The following ALDH8A1 variants were observed in gnomAD, a reference collection of about 807,000 sequenced individuals.
ALDH8A1 encodes the protein aldehyde dehydrogenase 8 family member A1.
In ALDH8A1, 39 loss-of-function variants were observed where a neutral mutation model predicts 43.3. The observed-to-expected ratio is 0.90, with a 90% confidence interval of 0.70 to 1.18. The LOEUF is 1.18. Ranked by LOEUF, ALDH8A1 falls within the 50% of genes most tolerant of loss-of-function variation. The pLI is 0.00. For synonymous variants in ALDH8A1, 233 were observed against 243.5 expected, an observed-to-expected ratio of 0.96 and a Z score of 0.40; for missense variants, 605 against 622.6, an observed-to-expected ratio of 0.97 and a Z score of 0.30.
intron 4 of ALDH8A1, 36 bp from the exon 5 acceptor site, chr6:134,933,068 A>AGTAT (rs1777014888): frequency 6.7e-7 from 1 of 1,500,312 alleles, no homozygotes; most frequent in Admixed American, 2.2e-5. Context: ...AGTAATTCTC[A>AGTAT]GTATGTTGAA....
chr6:134,944,183 T>C (rs1773912711), intron 1 of ALDH8A1: 7 of 515,860 alleles, frequency 1.4e-5, no homozygotes, highest in Middle Eastern at 5.3e-4. Flanking sequence ...TTCTCCCACC[T>C]CAGCCTCCTG....
intron 6 of ALDH8A1, among the ~76,000 whole-genome samples, chr6:134,920,246 C>T (rs919095932): frequency 6.6e-6 from 1 of 152,184 alleles, no homozygotes; most frequent in Admixed American, 6.5e-5. Context: ...TTTATATTCC[C>T]TTCCATTAAC....
Position 134,942,443 on chromosome 6 carries a change from G to T in ALDH8A1, c.408C>A (p.Cys136Ter). The change falls in exon 3 of 7, where the codon TGC becomes TGA. Residue 136 changes from cysteine to a stop codon, truncating the protein, a stop_gained. Coordinates refer to ENST00000265605, the MANE Select transcript of ALDH8A1 (RefSeq NM_022568.4). LOFTEE classifies it high-confidence loss of function. ...SECTQMDHLGCMHYTVRAPVG... is the reference protein window; with the variant it reads ...SECTQMDHLG ...CCGGGGCCCGCACCGTGTAGTGCAT[G>T]CAGCCCAGGTGGTCCATCTGCGTGC... 1 of 1,614,196 alleles carries T rather than the reference G, an allele frequency of 6.2e-7. No homozygotes were observed. Among genetic ancestry groups the T allele is most frequent in the Non-Finnish European group, 8.5e-7 (1 of 1,180,024 alleles).
intron 5 of ALDH8A1, 70 bp downstream of exon 5, chr6:134,932,706 G>T: frequency 6.4e-7 from 1 of 1,569,068 alleles, no homozygotes; most frequent in Non-Finnish European, 8.7e-7. Context: ...CCCAGGCATT[G>T]CACTGTGATA....
intron 6 of ALDH8A1, among the ~76,000 whole-genome samples, chr6:134,923,152 G>A (rs1008403417): frequency 6.6e-6 from 1 of 151,982 alleles, no homozygotes; most frequent in Non-Finnish European, 1.5e-5. Context: ...TCAGCCTCCT[G>A]AGTAGCTGGG....
chr6:134,940,244 A>C (rs1439864071), intron 3 of ALDH8A1: 3 of 350,624 alleles, frequency 8.6e-6, no homozygotes, highest in Non-Finnish European at 1.7e-5. Flanking sequence ...ATAAAAAATA[A>C]AAAAACAGTT....
Position 134,932,845 on chromosome 6 carries a change from G to A in ALDH8A1, c.780C>T (p.Ala260=), listed in dbSNP as rs763368321. ...CCAGGTTGGCGTCCTCAAAGATGAT[G>A]GCAGGATTCTTGCCCCCCAGCTCCA... ...LSLELGGKNP[A]IIFEDANLDE... Residue 260 remains alanine, a synonymous_variant, in exon 5 of 7, where the codon GCC becomes GCT. Transcript: ENST00000265605. The A allele has an allele frequency of 3.1e-6, 5 of 1,614,226 alleles. No homozygotes were observed. In the South Asian group the frequency reaches 5.5e-5, roughly 18 times the overall value.
At chr6:134,921,973 G>A (rs550009787) in intron 6 of ALDH8A1, among the ~76,000 whole-genome samples, 10 of 152,216 alleles carry the variant, frequency 6.6e-5, no homozygotes, top group African/African-American at 1.7e-4. Context: ...GGGCTTTCTC[G>A]CTAGAACTGA....
chr6:134,928,285 G>T (rs982767890), intron 6 of ALDH8A1, among the ~76,000 whole-genome samples: 1 of 152,198 alleles, frequency 6.6e-6, no homozygotes, highest in Non-Finnish European at 1.5e-5. Flanking sequence ...CTTTCCATCT[G>T]CAGGCAACTG....
At chr6:134,933,136 T>C in intron 4 of ALDH8A1, 104 bp from the exon 5 acceptor site, 1 of 1,318,680 alleles carries the variant, frequency 7.6e-7, no homozygotes, top group Non-Finnish European at 1.0e-6. Flanking sequence ...TGGGAGTGGG[T>C]AGGGATGGAG....
chr6:134,941,806 A>AC (rs1773860039), intron 3 of ALDH8A1, among the ~76,000 whole-genome samples: 1 of 150,914 alleles, frequency 6.6e-6, no homozygotes, highest in African/African-American at 2.4e-5. Context: ...TACAGGCGTG[A>AC]GCCACTGCGC....
intron 1 of ALDH8A1, among the ~76,000 whole-genome samples, chr6:134,947,595 G>C (rs956999597): frequency 6.6e-5 from 10 of 151,880 alleles, no homozygotes; most frequent in Non-Finnish European, 1.2e-4. Flanking sequence ...GATCTAAAGA[G>C]ATATTCCACA....
In ALDH8A1 at chr6:134,921,154, G is replaced by A. The variant is rs112035987; in HGVS notation, c.1012-2287C>T. Among the ~76,000 whole-genome samples, 408 of 152,306 alleles carry A rather than the reference G, an allele frequency of 2.7e-3. 2 individuals carry two copies. The highest frequency in any genetic ancestry group is 9.3e-3 in the African/African-American group (387 of 41,552). On this transcript the variant is annotated intron_variant, in intron 6 of 6. Coordinates refer to ENST00000265605, the MANE Select transcript of ALDH8A1 (RefSeq NM_022568.4). ...CTGACCCGACACTTATTAGCTGAGA[G>A]ACCTCAGAGATGCCCCTCATTCTGT...
chr6:134,936,803 G>A (rs948365716), intron 4 of ALDH8A1, among the ~76,000 whole-genome samples: 6 of 152,130 alleles, frequency 3.9e-5, no homozygotes, highest in African/African-American at 1.4e-4. Flanking sequence ...AGAAATTAAT[G>A]GAATTTTTCT....
intron 1 of ALDH8A1, among the ~76,000 whole-genome samples, chr6:134,947,407 G>A (rs1022903726): frequency 6.6e-6 from 1 of 152,070 alleles, no homozygotes; most frequent in African/African-American, 2.4e-5. Context: ...AAAAGCTTCT[G>A]CACAACAGAA....
At chr6:134,923,370 G>A (rs1776836383) in intron 6 of ALDH8A1, among the ~76,000 whole-genome samples, 1 of 151,986 alleles carries the variant, frequency 6.6e-6, no homozygotes, top group Non-Finnish European at 1.5e-5. Flanking sequence ...TTGACTGAGA[G>A]AGAAAGCATT....
intron 4 of ALDH8A1, among the ~76,000 whole-genome samples, chr6:134,937,786 G>A (rs1773771393): frequency 6.6e-6 from 1 of 152,178 alleles, no homozygotes; most frequent in African/African-American, 2.4e-5. Flanking sequence ...CAAAGAATGG[G>A]ATTAGACTGT....
chr6:134,939,974 A>C (rs1773824640), intron 3 of ALDH8A1, among the ~76,000 whole-genome samples: 1 of 152,252 alleles, frequency 6.6e-6, no homozygotes, highest in Non-Finnish European at 1.5e-5. Context: ...ACACAGAAAC[A>C]GAAAACCAAA....
intron 6 of ALDH8A1, among the ~76,000 whole-genome samples, chr6:134,919,689 T>C (rs1776764678): frequency 6.6e-6 from 1 of 152,180 alleles, no homozygotes; most frequent in Non-Finnish European, 1.5e-5. Flanking sequence ...ATTAAAAATG[T>C]AGAACAGCAG....
Sources: allele counts gnomAD v4.1 joint callset (sites outside exome capture counted in the v4.1 genomes callset), GRCh38; gene constraint gnomAD v4.1.1; transcripts MANE v1.5; gene names NCBI Gene and HGNC (gene_info 2026-07-23, HGNC 2026-07-21).